GAS2: variants seen among roughly 807,000 people sequenced by gnomAD.
GAS2 encodes the protein growth arrest-specific protein 2.
Under a neutral mutation model 37.5 loss-of-function variants are expected in GAS2, and 20 were observed. The observed-to-expected ratio is 0.53, with a 90% confidence interval of 0.37 to 0.77. GAS2 has a LOEUF of 0.77. Ranked by LOEUF, GAS2 falls within the 30% of genes least tolerant of loss-of-function variation. The pLI, the probability that GAS2 is intolerant of heterozygous loss-of-function variation, is 0.00. For synonymous variants in GAS2, 144 were observed against 132.2 expected (o/e 1.09, Z -0.61); for missense variants, 336 against 373.4 (o/e 0.90, Z 0.82).
chr11:22,671,224 T>C (rs985528497), intron 1 of GAS2, among the ~76,000 whole-genome samples: 1 of 152,254 alleles, frequency 6.6e-6, no homozygotes, highest in Middle Eastern at 3.4e-3. Context: ...AGAAAAAATA[T>C]ATACACACAC....
intron 1 of GAS2, among the ~76,000 whole-genome samples, chr11:22,673,529 G>C (rs1177988755): frequency 6.6e-6 from 1 of 152,130 alleles, no homozygotes; most frequent in South Asian, 2.1e-4. Flanking sequence ...GTAGAATCCT[G>C]CATGTTATTA....
At chr11:22,692,524 C>A (rs758712998) in intron 3 of GAS2, among the ~76,000 whole-genome samples, 1 of 152,008 alleles carries the variant, frequency 6.6e-6, no homozygotes, top group Non-Finnish European at 1.5e-5. Context: ...CAGGAAGACA[C>A]GAAGTAGGGA....
chr11:22,710,313 T>C (rs910226374), intron 3 of GAS2, among the ~76,000 whole-genome samples: 16 of 152,102 alleles, frequency 1.1e-4, no homozygotes, highest in Admixed American at 8.5e-4. Context: ...AAAATACTTA[T>C]CTCATACATA....
intron 3 of GAS2, among the ~76,000 whole-genome samples, chr11:22,723,825 G>T (rs1377071557): frequency 6.6e-6 from 1 of 151,486 alleles, no homozygotes; most frequent in Non-Finnish European, 1.5e-5. Context: ...ATCATCTCTT[G>T]GAGATTTTAT....
At chr11:22,642,404 G>A (rs1003262022) in intron 1 of GAS2, among the ~76,000 whole-genome samples, 1 of 152,110 alleles carries the variant, frequency 6.6e-6, no homozygotes, top group Non-Finnish European at 1.5e-5. Context: ...CTCTGGAAAT[G>A]AATTAGTATT....
In GAS2 at chr11:22,793,291, T is replaced by C. The variant is rs1052763691; in HGVS notation, c.724-18507T>C. ...CTCCATCTCAAAAAAAATAAATAAA[T>C]TAAAAATTAAAAAAATTTTAAAAAG... On this transcript the variant is annotated intron_variant, in intron 7 of 7. Transcript: ENST00000454584. 3.9e-5 allele frequency among the ~76,000 whole-genome samples: 6 copies of C among 151,904 alleles called. No homozygotes were observed. The East Asian group carries it at 9.6e-4, about 24-fold the overall frequency.
rs773776266 is a variant in GAS2 at position 22,755,908 on chromosome 11, C to A, written c.678C>A (p.Leu226=). 9 of 1,612,886 alleles carry A rather than the reference C, an allele frequency of 5.6e-6. No homozygotes were observed. In the Admixed American group the frequency reaches 1.5e-4, roughly 27 times the overall value. Residue 226 remains leucine, a synonymous_variant, in exon 7 of 8, where the codon CTC becomes CTA. Transcript: ENST00000454584. ...CAAACAAGTTCTGTGTGGAGCGGCTCTCCCAAGGAAGATACCGAGTGGGAG... is the reference window on the plus strand; with the variant it reads ...CAAACAAGTTCTGTGTGGAGCGGCTATCCCAAGGAAGATACCGAGTGGGAG... ...KCPNKFCVER[L]SQGRYRVGEK...
chr11:22,650,711 G>A (rs180836803), intron 1 of GAS2, among the ~76,000 whole-genome samples: 160 of 152,248 alleles, frequency 1.1e-3, no homozygotes, highest in African/African-American at 3.8e-3. Flanking sequence ...TTGGTTTAAA[G>A]TCTGTTTTGT....
chr11:22,787,667 G>T (rs933032848), intron 7 of GAS2, among the ~76,000 whole-genome samples: 52 of 152,286 alleles, frequency 3.4e-4, no homozygotes, highest in African/African-American at 1.3e-3. Flanking sequence ...AGCGTTGGGG[G>T]AAAAACACGT....
chr11:22,725,729 T>A (rs1260144365), intron 3 of GAS2, among the ~76,000 whole-genome samples: 1 of 152,142 alleles, frequency 6.6e-6, no homozygotes, highest in Non-Finnish European at 1.5e-5. Flanking sequence ...CAGCAAATGT[T>A]ATCATGACAT....
At chr11:22,773,051 AG>A (rs1401720422) in intron 7 of GAS2, among the ~76,000 whole-genome samples, 4 of 152,108 alleles carry the variant, frequency 2.6e-5, no homozygotes, top group African/African-American at 9.7e-5. Flanking sequence ...TAGAGTGCTA[AG>A]AGGTTCAGGC....
intron 7 of GAS2, among the ~76,000 whole-genome samples, chr11:22,809,539 G>C (rs1008357159): frequency 6.6e-6 from 1 of 151,950 alleles, no homozygotes; most frequent in Admixed American, 6.6e-5. Flanking sequence ...CCAGGCTGGA[G>C]TGCAGTGGCA....
At chr11:22,724,305 TAG>T (rs1277076250) in intron 3 of GAS2, among the ~76,000 whole-genome samples, 2 of 151,970 alleles carry the variant, frequency 1.3e-5, no homozygotes, top group African/African-American at 4.8e-5. Context: ...TATGATTGTA[TAG>T]AGTTTCATTG....
intron 5 of GAS2, among the ~76,000 whole-genome samples, chr11:22,747,086 A>G (rs540883864): frequency 2.0e-5 from 3 of 152,208 alleles, no homozygotes; most frequent in Non-Finnish European, 4.4e-5. Context: ...TAACTTGGTC[A>G]AGCATTTTTG....
chr11:22,761,973 G>T (rs542200459), intron 7 of GAS2, among the ~76,000 whole-genome samples: 1 of 152,178 alleles, frequency 6.6e-6, no homozygotes, highest in Non-Finnish European at 1.5e-5. Flanking sequence ...ATATTGTTCA[G>T]CATTTTCCAA....
At chr11:22,698,622 A>G (rs1012837883) in intron 3 of GAS2, among the ~76,000 whole-genome samples, 4 of 149,650 alleles carry the variant, frequency 2.7e-5, no homozygotes, top group African/African-American at 9.9e-5. Flanking sequence ...AATCCTCAAT[A>G]AAATACTGGC....
chr11:22,810,307 C>T (rs1383770579), intron 7 of GAS2, among the ~76,000 whole-genome samples: 1 of 151,828 alleles, frequency 6.6e-6, no homozygotes, highest in Non-Finnish European at 1.5e-5. Flanking sequence ...TCTCATGTCT[C>T]ATTGTCCAGA....
chr11:22,675,418 T>G (rs1426508766), intron 2 of GAS2, among the ~76,000 whole-genome samples: 1 of 152,198 alleles, frequency 6.6e-6, no homozygotes, highest in African/African-American at 2.4e-5. Flanking sequence ...ACAGCACACC[T>G]TCTAAAACTG....
At chr11:22,634,537 G>C (rs182405937) in intron 1 of GAS2, among the ~76,000 whole-genome samples, 1 of 152,232 alleles carries the variant, frequency 6.6e-6, no homozygotes, top group Admixed American at 6.5e-5. Context: ...GGGACTCAAG[G>C]CCTGCAGTCT....
Sources: gnomAD v4.1 joint callset for allele counts (sites outside exome capture counted in the v4.1 genomes callset) on GRCh38, gnomAD v4.1.1 for gene constraint, MANE v1.5 for transcripts, NCBI Gene and HGNC (gene_info 2026-07-23, HGNC 2026-07-21) for gene names.